Variants in SGCD observed in about 807,000 individuals in gnomAD.
The protein encoded by SGCD is delta-sarcoglycan.
SGCD carries 18 observed loss-of-function variants against 36.6 expected under a neutral mutation model. The ratio of observed to expected loss-of-function variants is 0.49; its 90% confidence interval spans 0.34 to 0.73. The LOEUF (loss-of-function observed/expected upper bound fraction) is 0.73, where lower values mean the gene tolerates loss of function less well. Among genes scored for constraint, SGCD ranks in the 30% least tolerant of loss-of-function variants. The pLI, the probability that SGCD is intolerant of heterozygous loss-of-function variation, is 0.01. For synonymous variants in SGCD, 133 were observed against 130.6 expected, an observed-to-expected ratio of 1.02 and a Z score of -0.12; for missense variants, 387 against 346.7, an observed-to-expected ratio of 1.12 and a Z score of -0.92.
intron 4 of SGCD, among the ~76,000 whole-genome samples, chr5:156,542,931 C>T (rs1350935968): frequency 6.6e-6 from 1 of 152,148 alleles, no homozygotes; most frequent in East Asian, 1.9e-4. Context: ...TCAGAACCTG[C>T]AGACTATGTA....
chr5:155,876,978 T>C, intron 1 of SGCD, among the ~76,000 whole-genome samples: 1 of 152,128 alleles, frequency 6.6e-6, no homozygotes, highest in East Asian at 1.9e-4. Context: ...CACTATATCC[T>C]CAGCATTTTG....
chr5:155,768,487 T>A, the SGCD span, among the ~76,000 whole-genome samples: 9 of 152,182 alleles, frequency 5.9e-5, no homozygotes, highest in African/African-American at 2.2e-4. Context: ...CGTAAATAAG[T>A]CAATTGTCAT....
intron 3 of SGCD, among the ~76,000 whole-genome samples, chr5:156,277,834 A>G (rs1197386348): frequency 6.6e-6 from 1 of 152,210 alleles, no homozygotes; most frequent in East Asian, 1.9e-4. Context: ...AACTATTTGT[A>G]TCTCATACTT....
At chr5:156,251,317 T>C (rs1034193786) in intron 3 of SGCD, among the ~76,000 whole-genome samples, 2 of 152,142 alleles carry the variant, frequency 1.3e-5, no homozygotes, top group African/African-American at 2.4e-5. Context: ...TGCAGAAGAA[T>C]GCAAATAAGA....
intron 7 of SGCD, among the ~76,000 whole-genome samples, chr5:156,677,051 A>G (rs1277643501): frequency 6.6e-6 from 1 of 151,798 alleles, no homozygotes; most frequent in East Asian, 1.9e-4. Context: ...CATTAGGAGA[A>G]CCTCCTTTGG....
chr5:156,458,556 C>T (rs2127814454), intron 3 of SGCD: 2 of 1,202,220 alleles, frequency 1.7e-6, no homozygotes, highest in Non-Finnish European at 2.4e-6. Context: ...CCTCAAACCG[C>T]ATATGTCAAA....
chr5:155,978,383 T>TA (rs1758162573), intron 1 of SGCD, among the ~76,000 whole-genome samples: 1 of 152,138 alleles, frequency 6.6e-6, no homozygotes. Flanking sequence ...GGGAAAAGAA[T>TA]AAAAGGAAAA....
At chr5:155,846,491 G>A in the SGCD span, among the ~76,000 whole-genome samples, 5 of 152,116 alleles carry the variant, frequency 3.3e-5, no homozygotes, top group African/African-American at 1.2e-4. Flanking sequence ...CTTTAGCTCT[G>A]CCTTCTGGGT....
chr5:155,834,977 A>T, the SGCD span, among the ~76,000 whole-genome samples: 2 of 144,880 alleles, frequency 1.4e-5, no homozygotes. Context: ...CTGGGATTAA[A>T]GGCATGTGCC....
At chr5:156,329,493 C>A in intron 1 of SGCD, 41 bp from the exon 2 acceptor site, 1 of 1,375,316 alleles carries the variant, frequency 7.3e-7, no homozygotes, top group Non-Finnish European at 1.0e-6. Context: ...AGGGGGCAGG[C>A]TCTTCAGACC....
intron 3 of SGCD, among the ~76,000 whole-genome samples, chr5:156,366,992 C>G (rs1332366373): frequency 1.3e-5 from 2 of 152,146 alleles, no homozygotes; most frequent in Non-Finnish European, 2.9e-5. Flanking sequence ...TTAAGTGTCA[C>G]AAAACATAAC....
chr5:156,246,750 A>G (rs1367775075), intron 3 of SGCD, among the ~76,000 whole-genome samples: 1 of 152,212 alleles, frequency 6.6e-6, no homozygotes, highest in Non-Finnish European at 1.5e-5. Flanking sequence ...GTGAAATGCC[A>G]CTGTGTAATT....
chr5:156,125,779 A>G (rs1762154831), intron 3 of SGCD, among the ~76,000 whole-genome samples: 2 of 151,094 alleles, frequency 1.3e-5, no homozygotes, highest in African/African-American at 2.4e-5. Context: ...TTGTACAAGT[A>G]TAAACATTCT....
rs138483979 is a variant in SGCD at position 156,090,449 on chromosome 5, TA to T, written c.-281-27428del. Among the ~76,000 whole-genome samples the T allele has an allele frequency of 7.5e-3, 1,140 of 152,262 alleles. 8 individuals carry two copies. Among genetic ancestry groups the T allele is most frequent in the Non-Finnish European group, 0.011 (720 of 68,018 alleles). The stretch of plus-strand genomic sequence containing the variant: ...TCGAGCTGCAAAACTAGCAAATTTT[TA>T]TTAGGGATTTTGAAAGGGGAGGGGG... On this transcript the variant is annotated intron_variant, in intron 1 of 9. Coordinates refer to the SGCD transcript ENST00000517913.
chr5:156,045,414 C>A (rs1230032765), intron 1 of SGCD, among the ~76,000 whole-genome samples: 2 of 151,988 alleles, frequency 1.3e-5, no homozygotes, highest in Non-Finnish European at 2.9e-5. Flanking sequence ...CATTTAATAC[C>A]CATGCTACAT....
intron 1 of SGCD, among the ~76,000 whole-genome samples, chr5:156,027,973 G>A (rs924826222): frequency 4.6e-5 from 7 of 152,142 alleles, no homozygotes; most frequent in Non-Finnish European, 8.8e-5. Flanking sequence ...GACAAAAAAG[G>A]GTGGACTCTG....
chr5:155,802,582 A>T, the SGCD span, among the ~76,000 whole-genome samples: 16 of 152,146 alleles, frequency 1.1e-4, no homozygotes, highest in African/African-American at 3.9e-4. Context: ...CACAGTTATT[A>T]TTGCTTTGCT....
chr5:156,358,343 G>C (rs1201172999), intron 3 of SGCD, among the ~76,000 whole-genome samples: 1 of 152,192 alleles, frequency 6.6e-6, no homozygotes, highest in African/African-American at 2.4e-5. Context: ...GGAGACAGCA[G>C]AAATAATTTG....
intron 7 of SGCD, among the ~76,000 whole-genome samples, chr5:156,741,645 T>C (rs1359399149): frequency 6.6e-6 from 1 of 152,190 alleles, no homozygotes; most frequent in Non-Finnish European, 1.5e-5. Flanking sequence ...TGAAACCATC[T>C]CAGAGGGTAA....
Sources: gnomAD v4.1 joint callset for allele counts (sites outside exome capture counted in the v4.1 genomes callset) on GRCh38, gnomAD v4.1.1 for gene constraint, MANE v1.5 for transcripts, NCBI Gene and HGNC (gene_info 2026-07-23, HGNC 2026-07-21) for gene names.